FRY: variants seen among roughly 807,000 people sequenced by gnomAD.
FRY encodes FRY microtubule binding protein.
Under a neutral mutation model 348.4 loss-of-function variants are expected in FRY, and 128 were observed. The observed-to-expected ratio is 0.37, with a 90% CI of 0.32 to 0.43. The LOEUF (loss-of-function observed/expected upper bound fraction) is 0.43, where lower values mean the gene tolerates loss of function less well. Among genes scored for constraint, FRY ranks in the 20% least tolerant of loss-of-function variants. The pLI is 1.00. For synonymous variants in FRY, 1,370 were observed against 1,374.7 expected, an observed-to-expected ratio of 1.00 and a Z score of 0.08; for missense variants, 2,736 against 3,695.2, an observed-to-expected ratio of 0.74 and a Z score of 6.73.
chr13:32,122,497 T>C (rs1368433297), intron 4 of FRY, among the ~76,000 whole-genome samples: 1 of 149,274 alleles, frequency 6.7e-6, no homozygotes, highest in Non-Finnish European at 1.5e-5. Context: ...CTCTTTATGA[T>C]TAAAACTCTC....
chr13:32,264,490 G>GT (rs1420773322), intron 53 of FRY, among the ~76,000 whole-genome samples: 1 of 152,032 alleles, frequency 6.6e-6, no homozygotes, highest in Non-Finnish European at 1.5e-5. Context: ...CCTTGCTTTT[G>GT]TTTTTGTTTT....
At chr13:32,161,021 G>A in intron 16 of FRY, 123 bp from the exon 17 acceptor site, 1 of 722,798 alleles carries the variant, frequency 1.4e-6, no homozygotes, top group Non-Finnish European at 2.5e-6. Flanking sequence ...GAGTAATATG[G>A]AGCTAACACC....
chr13:32,267,311 T>G lies in FRY; in HGVS notation c.8088T>G (p.Asp2696Glu). The G allele has an allele frequency of 6.2e-7, 1 of 1,614,228 alleles. No individual in the cohort carries two copies. Among genetic ancestry groups the G allele is most frequent in the Non-Finnish European group, 8.5e-7 (1 of 1,180,046 alleles). The change falls in exon 55 of 61, where the codon GAT becomes GAG. Residue 2696 changes from aspartate to glutamate, a missense_variant. Transcript: ENST00000542859. ...SHINQLMCDS[D>E]GSCAVYTFHV... Reference sequence around the variant, plus strand: ...TCAACCAGCTTATGTGTGACTCAGATGGCTCCTGTGCTGTGTATACATTTC... The same window carrying G: ...TCAACCAGCTTATGTGTGACTCAGAGGGCTCCTGTGCTGTGTATACATTTC...
At position 32,117,576 on chromosome 13, in the gene FRY, C is replaced by T. The variant is rs1202825605; in HGVS notation, c.464+103C>T. The T allele has an allele frequency of 4.2e-6, 5 of 1,185,118 alleles. No individual in the cohort carries two copies. The Admixed American group carries it at 5.3e-5, about 12-fold the overall frequency. 73.4% of individuals were successfully genotyped at this position (1,185,118 alleles called of 1,614,324 possible). ...AGGCAATTGGGTCTTCCTGACTCTT[C>T]ACAAGGATGCCTAGCAGGTGCTGCA... On this transcript the variant is annotated intron_variant, in intron 4 of 60. Coordinates refer to ENST00000542859, the MANE Select transcript of FRY (RefSeq NM_023037.3).
intron 7 of FRY, among the ~76,000 whole-genome samples, chr13:32,127,588 T>C (rs544776925): frequency 6.5e-4 from 99 of 152,190 alleles, no homozygotes; most frequent in Admixed American, 1.6e-3. Flanking sequence ...CCATCCTGGC[T>C]AACACGTTGA....
At chr13:32,122,677 G>C (rs1198618491) in intron 4 of FRY, among the ~76,000 whole-genome samples, 2 of 152,054 alleles carry the variant, frequency 1.3e-5, no homozygotes, top group East Asian at 3.9e-4. Flanking sequence ...GTACTAGAAG[G>C]CCTAGCCAAA....
intron 1 of FRY, among the ~76,000 whole-genome samples, chr13:32,067,791 G>A (rs1418717966): frequency 6.6e-6 from 1 of 152,180 alleles, no homozygotes; most frequent in African/African-American, 2.4e-5. Context: ...TTAGACCTTG[G>A]ACTCTGAGTT....
At position 32,101,982 on chromosome 13, in the gene FRY, C is replaced by A; in HGVS notation, c.290C>A (p.Ser97Tyr). 6.5e-7 allele frequency: 1 copy of A among 1,531,478 alleles called. No homozygotes were observed. The highest frequency in any genetic ancestry group is 9.1e-7 in the Non-Finnish European group (1 of 1,104,724). The allele number at this position is 1,531,478 out of a possible 1,614,324, so 94.9% of individuals were successfully genotyped here. Reference protein sequence around the residue: ...AEPLEKPLTKSLQRGEDPQFD... With the variant: ...AEPLEKPLTKYLQRGEDPQFD... Reference sequence around the variant, plus strand: ...TTCTAGGAAAAGCCATTGACAAAATCTCTGCAACGTGGAGAAGACCCCCAA... The same window carrying A: ...TTCTAGGAAAAGCCATTGACAAAATATCTGCAACGTGGAGAAGACCCCCAA... Residue 97 changes from serine to tyrosine, a missense_variant, in exon 3 of 61, where the codon TCT becomes TAT. Physicochemically the swap from Ser to Tyr is moderately radical, Grantham distance 144. Transcript: ENST00000542859.
At chr13:32,191,447 A>C (rs1447946810) in intron 28 of FRY, among the ~76,000 whole-genome samples, 1 of 152,206 alleles carries the variant, frequency 6.6e-6, no homozygotes, top group Non-Finnish European at 1.5e-5. Context: ...AGATAAATAC[A>C]GACTGAATAG....
chr13:32,040,108 A>G (rs1344542122), intron 1 of FRY, among the ~76,000 whole-genome samples: 1 of 152,244 alleles, frequency 6.6e-6, no homozygotes, highest in East Asian at 1.9e-4. Flanking sequence ...TTAAATAGGT[A>G]AATATGTATT....
At chr13:32,073,367 C>T (rs1874798807) in intron 1 of FRY, among the ~76,000 whole-genome samples, 1 of 152,202 alleles carries the variant, frequency 6.6e-6, no homozygotes, top group Non-Finnish European at 1.5e-5. Flanking sequence ...TTCTTAGACA[C>T]CAAGAATACA....
chr13:32,112,233 A>C (rs908502572), intron 3 of FRY, among the ~76,000 whole-genome samples: 1 of 151,964 alleles, frequency 6.6e-6, no homozygotes, highest in Non-Finnish European at 1.5e-5. Flanking sequence ...ATCTCATCAC[A>C]GTCATTTTTT....
chr13:32,108,088 C>T (rs1273316119), intron 3 of FRY, among the ~76,000 whole-genome samples: 2 of 152,098 alleles, frequency 1.3e-5, no homozygotes, highest in African/African-American at 2.4e-5. Flanking sequence ...AATGTGGTCC[C>T]CAGGCATGTG....
At chr13:32,100,258 T>C (rs553361045) in intron 2 of FRY, among the ~76,000 whole-genome samples, 71 of 152,060 alleles carry the variant, frequency 4.7e-4, no homozygotes, top group South Asian at 1.0e-3. Flanking sequence ...TTTTTGTATT[T>C]TTAGTAGAGA....
Position 32,031,999 on chromosome 13 carries a change from C to CTCTTTCTTTCTT in FRY, c.70+148_70+159dup, listed in dbSNP as rs11272632. On this transcript the variant is annotated intron_variant, in intron 1 of 60. Transcript: ENST00000542859. Reference sequence around the variant, plus strand: ...TTCTTTTTTTCTTTTCTTTTCTTTTCTCTTTCTTTCTTTCTTTCTTTCTTT... The same window carrying CTCTTTCTTTCTT: ...TTCTTTTTTTCTTTTCTTTTCTTTTCTCTTTCTTTCTTTCTTTCTTTCTTTCTTTCTTTCTTT... The CTCTTTCTTTCTT allele has an allele frequency of 8.7e-3, 5,352 of 618,128 alleles. 42 individuals carry two copies. Among genetic ancestry groups the CTCTTTCTTTCTT allele is most frequent in the African/African-American group, 0.031 (1,534 of 49,746 alleles). The allele number at this position is 618,128 out of a possible 1,614,324, so 38.3% of individuals were successfully genotyped here.
intron 1 of FRY, among the ~76,000 whole-genome samples, chr13:32,053,602 A>T (rs1045827913): frequency 1.3e-5 from 2 of 152,250 alleles, no homozygotes; most frequent in Non-Finnish European, 2.9e-5. Context: ...TTACAGGTCC[A>T]TAATGCCACA....
At chr13:32,054,378 C>G (rs572774844) in intron 1 of FRY, among the ~76,000 whole-genome samples, 2 of 151,770 alleles carry the variant, frequency 1.3e-5, no homozygotes, top group African/African-American at 4.8e-5. Context: ...TACATCTTGT[C>G]TTTTGATTTT....
rs1878880161 is a variant in FRY at position 32,124,202 on chromosome 13, G to T, written c.465-84G>T. ...AAAAATGGGTTTTGCAGTCTATTAG[G>T]GAGGAGTCCTAGATTTTTTATGAAT... On this transcript the variant is annotated intron_variant, in intron 4 of 60. Coordinates refer to ENST00000542859, the MANE Select transcript of FRY (RefSeq NM_023037.3). The T allele has an allele frequency of 7.3e-6, 6 of 826,290 alleles. No homozygotes were observed. The East Asian group carries it at 1.3e-4, about 17-fold the overall frequency. 51.2% of individuals were successfully genotyped at this position (826,290 alleles called of 1,614,324 possible). A position where few individuals can be genotyped will look rare whatever the true frequency, so the allele number is the denominator to read the frequency against.
rs1878929491 is a variant in FRY at position 32,124,885 on chromosome 13, T to C, written c.716+10T>C. 1 of 1,584,020 alleles carries C rather than the reference T, an allele frequency of 6.3e-7. No individual in the cohort carries two copies. ...TGTTGGCACAAGCCAAGTAAGTGAA[T>C]GCCAGAACCCTTTACCATGAGAACG... On this transcript the variant is annotated intron_variant, in intron 7 of 60. Coordinates refer to ENST00000542859, the MANE Select transcript of FRY (RefSeq NM_023037.3).
Sources: allele counts gnomAD v4.1 joint callset (sites outside exome capture counted in the v4.1 genomes callset), GRCh38; gene constraint gnomAD v4.1.1; transcripts MANE v1.5; gene names NCBI Gene and HGNC (gene_info 2026-07-23, HGNC 2026-07-21).